The following ABTB3 variants were observed in gnomAD, a reference collection of about 807,000 sequenced individuals.
The protein encoded by ABTB3 is ankyrin repeat and BTB domain containing 3, also known as ankyrin repeat- and BTB/POZ domain-containing protein 3.
the ABTB3 span, among the ~76,000 whole-genome samples, chr12:107,460,187 C>A: frequency 6.6e-6 from 1 of 152,208 alleles, no homozygotes; most frequent in Non-Finnish European, 1.5e-5. Context: ...GAGCCTTGGT[C>A]TTGAGGGAAA....
At chr12:107,473,252 C>G in the ABTB3 span, among the ~76,000 whole-genome samples, 1 of 152,182 alleles carries the variant, frequency 6.6e-6, no homozygotes. Context: ...TGAACCAGGC[C>G]TCGGATTAAG....
At chr12:107,577,814 G>A in the ABTB3 span, among the ~76,000 whole-genome samples, 1 of 152,094 alleles carries the variant, frequency 6.6e-6, no homozygotes, top group East Asian at 1.9e-4. Flanking sequence ...CCTACCCCAA[G>A]ACTTATGGGA....
At chr12:107,336,247 G>A in the ABTB3 span, among the ~76,000 whole-genome samples, 1 of 152,208 alleles carries the variant, frequency 6.6e-6, no homozygotes, top group East Asian at 1.9e-4. Flanking sequence ...AAAACAGAAA[G>A]GATCAGTCCT....
chr12:107,437,043 C>T, the ABTB3 span, among the ~76,000 whole-genome samples: 26 of 152,204 alleles, frequency 1.7e-4, no homozygotes, highest in Non-Finnish European at 2.2e-4. Context: ...CATCCTTGAA[C>T]TCCTAGGGGC....
At chr12:107,403,398 A>T in the ABTB3 span, among the ~76,000 whole-genome samples, 3 of 152,108 alleles carry the variant, frequency 2.0e-5, no homozygotes, top group Non-Finnish European at 4.4e-5. Context: ...AGCTTGGCAG[A>T]TGGGTGCTAA....
chr12:107,613,579 G>A, the ABTB3 span, among the ~76,000 whole-genome samples: 289 of 152,244 alleles, frequency 1.9e-3, 1 homozygote, highest in African/African-American at 3.5e-3. Flanking sequence ...TCTGCAGAAC[G>A]GGAAAATAAT....
chr12:107,573,235 A>G, the ABTB3 span, among the ~76,000 whole-genome samples: 14 of 152,298 alleles, frequency 9.2e-5, no homozygotes, highest in South Asian at 2.1e-3. Flanking sequence ...TCCCTACCTC[A>G]GCCAATTGTG....
At chr12:107,376,825 G>A in the ABTB3 span, among the ~76,000 whole-genome samples, 24 of 152,140 alleles carry the variant, frequency 1.6e-4, no homozygotes, top group East Asian at 2.5e-3. Flanking sequence ...TACAACCCTC[G>A]CGCTGAATGT....
At chr12:107,430,376 A>G in the ABTB3 span, among the ~76,000 whole-genome samples, 1 of 152,248 alleles carries the variant, frequency 6.6e-6, no homozygotes. Flanking sequence ...CTACTGGATT[A>G]AAATGTGTGA....
the ABTB3 span, among the ~76,000 whole-genome samples, chr12:107,414,898 G>C: frequency 6.6e-6 from 1 of 151,744 alleles, no homozygotes; most frequent in Non-Finnish European, 1.5e-5. Flanking sequence ...ATTTTTAGTA[G>C]ACACAGGATT....
At chr12:107,451,571 C>T in the ABTB3 span, among the ~76,000 whole-genome samples, 1 of 152,292 alleles carries the variant, frequency 6.6e-6, no homozygotes, top group East Asian at 1.9e-4. Context: ...ACTGACCTCG[C>T]GGTAAAGTCT....
the ABTB3 span, chr12:107,320,515 C>A: frequency 2.3e-6 from 1 of 434,644 alleles, no homozygotes; most frequent in South Asian, 1.6e-5. Flanking sequence ...CCGCTCTCCG[C>A]AATCCAGTGC....
the ABTB3 span, among the ~76,000 whole-genome samples, chr12:107,648,511 G>A: frequency 2.0e-5 from 3 of 151,972 alleles, no homozygotes; most frequent in African/African-American, 2.4e-5. Context: ...ATACATCCAC[G>A]GGCCCCATTC....
the ABTB3 span, among the ~76,000 whole-genome samples, chr12:107,558,216 T>A: frequency 6.6e-6 from 1 of 152,214 alleles, no homozygotes. Flanking sequence ...GGGGCTGGAC[T>A]GCCCATCAGC....
the ABTB3 span, among the ~76,000 whole-genome samples, chr12:107,653,496 G>T: frequency 6.8e-6 from 1 of 147,984 alleles, no homozygotes; most frequent in African/African-American, 2.5e-5. Flanking sequence ...CAGCCTGGGC[G>T]ACAGAGCAAG....
chr12:107,523,354 A>G, the ABTB3 span, among the ~76,000 whole-genome samples: 2 of 152,222 alleles, frequency 1.3e-5, no homozygotes, highest in African/African-American at 4.8e-5. Context: ...CTCCTGTCCC[A>G]GGGCCTCCTA....
At chr12:107,435,964 A>G in the ABTB3 span, among the ~76,000 whole-genome samples, 1 of 152,192 alleles carries the variant, frequency 6.6e-6, no homozygotes, top group Non-Finnish European at 1.5e-5. Context: ...TAATTTTTTA[A>G]AATTTTGAAT....
chr12:107,520,130 G>T, the ABTB3 span: 1 of 725,182 alleles, frequency 1.4e-6, no homozygotes. Context: ...CCTTTGTGGG[G>T]AGAACAAAGG....
the ABTB3 span, among the ~76,000 whole-genome samples, chr12:107,386,004 T>C: frequency 6.9e-6 from 1 of 144,576 alleles, no homozygotes; most frequent in Non-Finnish European, 1.5e-5. Flanking sequence ...CCAGCTCCTG[T>C]TGTGTGACCT....
Sources: gnomAD v4.1 joint callset for allele counts (sites outside exome capture counted in the v4.1 genomes callset) on GRCh38, gnomAD v4.1.1 for gene constraint, MANE v1.5 for transcripts, NCBI Gene and HGNC (gene_info 2026-07-23, HGNC 2026-07-21) for gene names.